The following CHODL variants were observed in gnomAD, a reference collection of about 807,000 sequenced individuals.
CHODL encodes transmembrane protein MT75.
Under a neutral mutation model 34.5 loss-of-function variants are expected in CHODL, and 29 were observed. That is an observed-to-expected ratio of 0.84 (90% CI 0.63 to 1.15). CHODL has a LOEUF of 1.15. Among genes scored for constraint, CHODL ranks in the 50% most tolerant of loss-of-function variants. The pLI, the probability that CHODL is intolerant of heterozygous loss-of-function variation, is 0.00. For missense variants in CHODL, 332 were observed against 332.5 expected, an observed-to-expected ratio of 1.00 and a Z score of 0.01; for synonymous variants, 125 against 116.1, an observed-to-expected ratio of 1.08 and a Z score of -0.49.
intron 2 of CHODL, among the ~76,000 whole-genome samples, chr21:18,096,936 T>G (rs895498832): frequency 6.6e-6 from 1 of 152,130 alleles, no homozygotes; most frequent in African/African-American, 2.4e-5. Context: ...ATTTCTCTGT[T>G]TGTGCTCTTT....
chr21:18,210,340 G>C (rs2073759530), intron 2 of CHODL, among the ~76,000 whole-genome samples: 1 of 152,156 alleles, frequency 6.6e-6, no homozygotes, highest in Admixed American at 6.5e-5. Flanking sequence ...TTCTCTCTCT[G>C]TGCGACATGG....
chr21:18,138,391 T>C (rs935617430), intron 2 of CHODL, among the ~76,000 whole-genome samples: 4 of 152,206 alleles, frequency 2.6e-5, no homozygotes, highest in Non-Finnish European at 4.4e-5. Flanking sequence ...TACAACATTT[T>C]CCTAAAGTAA....
At chr21:18,151,988 CTGTGTGTG>C (rs71941239) in intron 2 of CHODL, among the ~76,000 whole-genome samples, 29,035 of 146,524 alleles carry the variant, frequency 0.2, 3,630 homozygotes, top group African/African-American at 0.36. Context: ...GTATATAACT[CTGTGTGTG>C]TGTGTGTGTG....
At chr21:18,019,298 T>C (rs1168695895) in intron 1 of CHODL, among the ~76,000 whole-genome samples, 1 of 152,130 alleles carries the variant, frequency 6.6e-6, no homozygotes, top group Admixed American at 6.6e-5. Context: ...GAATGCAAAG[T>C]TAATATTACA....
chr21:18,112,081 C>G (rs59742590), intron 2 of CHODL, among the ~76,000 whole-genome samples: 5,216 of 152,210 alleles, frequency 0.034, 179 homozygotes, highest in African/African-American at 0.088. Context: ...TGTCAGTGCC[C>G]TCAACAGATT....
intron 2 of CHODL, among the ~76,000 whole-genome samples, chr21:18,229,567 G>T (rs755221174): frequency 6.6e-6 from 1 of 152,074 alleles, no homozygotes; most frequent in Non-Finnish European, 1.5e-5. Context: ...TCATTTCCTT[G>T]GTCAAAACAA....
intron 2 of CHODL, among the ~76,000 whole-genome samples, chr21:18,107,370 G>A (rs530950361): frequency 6.6e-6 from 1 of 152,306 alleles, no homozygotes; most frequent in South Asian, 2.1e-4. Context: ...AACATCAGAA[G>A]CATTCTGCTT....
At chr21:18,157,772 T>C (rs770034461) in intron 2 of CHODL, among the ~76,000 whole-genome samples, 27 of 152,236 alleles carry the variant, frequency 1.8e-4, no homozygotes, top group Non-Finnish European at 2.6e-4. Context: ...TGCTAAATTT[T>C]GGGATAGATT....
intron 2 of CHODL, among the ~76,000 whole-genome samples, chr21:18,082,974 T>C (rs2064960326): frequency 6.6e-6 from 1 of 151,926 alleles, no homozygotes; most frequent in African/African-American, 2.4e-5. Context: ...TGCAAAAATT[T>C]GCGTTAGTAA....
chr21:18,192,667 G>A (rs564095498), intron 2 of CHODL, among the ~76,000 whole-genome samples: 1 of 151,874 alleles, frequency 6.6e-6, no homozygotes, highest in Non-Finnish European at 1.5e-5. Flanking sequence ...CTATATTTTT[G>A]TTTGTATTGC....
intron 2 of CHODL, among the ~76,000 whole-genome samples, chr21:18,095,135 A>AG (rs1811375136): frequency 6.6e-6 from 1 of 151,826 alleles, no homozygotes; most frequent in East Asian, 1.9e-4. Context: ...AAAAAAAAAA[A>AG]GAAGGAAAGA....
intron 3 of CHODL, among the ~76,000 whole-genome samples, chr21:18,258,241 C>A (rs1450252778): frequency 1.3e-5 from 2 of 152,042 alleles, no homozygotes; most frequent in African/African-American, 4.8e-5. Flanking sequence ...CTAAACCCGT[C>A]ATTACCCTCC....
rs553636998 is a variant in CHODL at position 18,099,247 on chromosome 21, T to C, written c.-45+71276T>C. On this transcript the variant is annotated intron_variant, in intron 2 of 6. Transcript: ENST00000400127. Reference sequence around the variant, plus strand: ...ATAACTAAGAGTATAATTGGATTGTTTGTAACACAAAGGATAAATGCTTGA... The same window carrying C: ...ATAACTAAGAGTATAATTGGATTGTCTGTAACACAAAGGATAAATGCTTGA... Among the ~76,000 whole-genome samples, 4 of 152,220 alleles carry C rather than the reference T, an allele frequency of 2.6e-5. No individual in the cohort carries two copies. In the South Asian group the frequency reaches 8.3e-4, roughly 32 times the overall value.
chr21:17,977,346 GTGT>G (rs1568826361), intron 1 of CHODL, among the ~76,000 whole-genome samples: 3 of 150,118 alleles, frequency 2.0e-5, no homozygotes, highest in Non-Finnish European at 3.0e-5. Context: ...ACATGTTAAG[GTGT>G]TGTTGGCTGT....
At chr21:18,232,094 A>G (rs2073984738) in intron 2 of CHODL, among the ~76,000 whole-genome samples, 1 of 151,896 alleles carries the variant, frequency 6.6e-6, no homozygotes, top group Non-Finnish European at 1.5e-5. Context: ...CATTTCTACC[A>G]TTAATTCTTA....
At chr21:18,061,375 A>G (rs2064662945) in intron 2 of CHODL, among the ~76,000 whole-genome samples, 1 of 152,214 alleles carries the variant, frequency 6.6e-6, no homozygotes, top group Non-Finnish European at 1.5e-5. Context: ...TAAGGGAAAA[A>G]AACTAAATAT....
At chr21:18,193,714 AATAAAT>A (rs1601130649) in intron 2 of CHODL, among the ~76,000 whole-genome samples, 2 of 140,844 alleles carry the variant, frequency 1.4e-5, no homozygotes, top group East Asian at 2.2e-4. Flanking sequence ...AAAAAAATAA[AATAAAT>A]AAATAAATAA....
intron 1 of CHODL, among the ~76,000 whole-genome samples, chr21:18,255,263 G>C (rs1042607483): frequency 1.3e-5 from 2 of 151,970 alleles, no homozygotes; most frequent in African/African-American, 4.8e-5. Flanking sequence ...ACCACCAGTA[G>C]TAAGATTAAC....
rs539438982 is a variant in CHODL, at chr21:18,167,095, G to A, written c.-44-89414G>A. Among the ~76,000 whole-genome samples the A allele has an allele frequency of 1.3e-4, 20 of 152,040 alleles. No individual in the cohort carries two copies. The East Asian group carries it at 3.1e-3, about 24-fold the overall frequency. ...TTGGTAATTCATGTTTTAAAAATATGTTTATTTAATCAGATTTTTAAATAT... is the reference window on the plus strand; with the variant it reads ...TTGGTAATTCATGTTTTAAAAATATATTTATTTAATCAGATTTTTAAATAT... On this transcript the variant is annotated intron_variant, in intron 2 of 6. Transcript: ENST00000400127.
Sources: allele counts gnomAD v4.1 joint callset (sites outside exome capture counted in the v4.1 genomes callset), GRCh38; gene constraint gnomAD v4.1.1; transcripts MANE v1.5; gene names NCBI Gene and HGNC (gene_info 2026-07-23, HGNC 2026-07-21).